The following CLEC2B variants were observed in gnomAD, a reference collection of about 807,000 sequenced individuals.
CLEC2B encodes the protein C-type lectin domain family 2 member B, also known as C-type (calcium dependent, carbohydrate-recognition domain) lectin, superfamily member 2 (activation-induced).
In CLEC2B, 14 loss-of-function variants were observed where a neutral mutation model predicts 16.2. The observed-to-expected ratio is 0.86, with a 90% CI of 0.57 to 1.35. CLEC2B has a LOEUF of 1.35. CLEC2B is among the 40% of genes most tolerant of loss of function. CLEC2B has a pLI of 0.00. For synonymous variants in CLEC2B, 42 were observed against 55.8 expected, an observed-to-expected ratio of 0.75 and a Z score of 1.10; for missense variants, 166 against 182.3, an observed-to-expected ratio of 0.91 and a Z score of 0.52.
intron 2 of CLEC2B, among the ~76,000 whole-genome samples, chr12:9,859,629 A>G (rs1311276033): frequency 6.6e-6 from 1 of 151,798 alleles, no homozygotes; most frequent in African/African-American, 2.4e-5. Context: ...TCGTTTAGGA[A>G]AGGCATAACA....
chr12:9,854,779 C>T, intron 3 of CLEC2B: 1 of 436,154 alleles, frequency 2.3e-6, no homozygotes, highest in Non-Finnish European at 4.0e-6. Context: ...CCTAGAAAGA[C>T]AAGTTTGAAA....
In CLEC2B at chr12:9,852,968, C is replaced by CA. The variant is rs1867857278; in HGVS notation, c.*331dup. On this transcript the variant is annotated 3_prime_UTR_variant, in exon 5 of 5. Coordinates refer to ENST00000228438, the MANE Select transcript of CLEC2B (RefSeq NM_005127.3). ...GGCCATAATCTCCTATTCTGGTACT[C>CA]AAATTGTTCCATATTGGGTCATGAA... The CA allele has an allele frequency of 4.5e-6, 1 of 220,080 alleles. No individual in the cohort carries two copies. Among genetic ancestry groups the CA allele is most frequent in the Non-Finnish European group, 9.1e-6 (1 of 109,544 alleles). 13.6% of individuals were successfully genotyped at this position (220,080 alleles called of 1,614,324 possible).
chr12:9,868,363 G>A (rs983653814), intron 1 of CLEC2B, among the ~76,000 whole-genome samples: 1 of 151,926 alleles, frequency 6.6e-6, no homozygotes, highest in African/African-American at 2.4e-5. Context: ...TTATAAAACC[G>A]GTTAAAATAC....
rs575237788 is a variant in CLEC2B, at chr12:9,861,994, TA to T, written c.73+504del. Among the ~76,000 whole-genome samples, 6 of 151,948 alleles carry T rather than the reference TA, an allele frequency of 3.9e-5. No homozygotes were observed. In the South Asian group the frequency reaches 1.0e-3, roughly 26 times the overall value. On this transcript the variant is annotated intron_variant, in intron 2 of 4. Coordinates refer to ENST00000228438, the MANE Select transcript of CLEC2B (RefSeq NM_005127.3). ...AATATTTACTATCTGGGTCTTTTTATAAAAAAAATTTCAACCTTTTTCCATA... is the reference window on the plus strand; with the variant it reads ...AATATTTACTATCTGGGTCTTTTTATAAAAAAATTTCAACCTTTTTCCATA...
chr12:9,868,283 G>T (rs1395363834), intron 1 of CLEC2B, among the ~76,000 whole-genome samples: 1 of 151,892 alleles, frequency 6.6e-6, no homozygotes, highest in Non-Finnish European at 1.5e-5. Context: ...TGATTAAAAT[G>T]ATATTTTATG....
In CLEC2B at chr12:9,857,550, C is replaced by T; in HGVS notation, c.161G>A (p.Gly54Glu). The stretch of plus-strand genomic sequence containing the variant: ...GTTGTATTTACTTGAATTCCAATCT[C>T]CTTCTTCTTTAGAGAAATAATAGCA... The part of the protein sequence containing the change: ...NKCYYFSKEE[G>E]DWNSSKYNCS... Residue 54 changes from glycine (G) to glutamate (E), a missense_variant, in exon 3 of 5, where the codon GGA becomes GAA. Gly to Glu is a moderately conservative substitution (Grantham distance 98). Coordinates refer to ENST00000228438, the MANE Select transcript of CLEC2B (RefSeq NM_005127.3). 1 of 1,610,816 alleles carries T rather than the reference C, an allele frequency of 6.2e-7. No homozygotes were observed. Among genetic ancestry groups the T allele is most frequent in the Non-Finnish European group, 8.5e-7 (1 of 1,177,566 alleles).
intron 1 of CLEC2B, among the ~76,000 whole-genome samples, chr12:9,863,064 C>T (rs1245931643): frequency 6.6e-6 from 1 of 152,146 alleles, no homozygotes; most frequent in Non-Finnish European, 1.5e-5. Flanking sequence ...AAGGAGATGT[C>T]AACTTAGAGT....
At chr12:9,864,869 C>T (rs1375783024) in intron 1 of CLEC2B, among the ~76,000 whole-genome samples, 2 of 152,036 alleles carry the variant, frequency 1.3e-5, no homozygotes. Context: ...TTTAAATGAA[C>T]TCAACTCTCC....
At chr12:9,863,835 T>C (rs949611959) in intron 1 of CLEC2B, among the ~76,000 whole-genome samples, 2 of 152,072 alleles carry the variant, frequency 1.3e-5, no homozygotes, top group African/African-American at 2.4e-5. Flanking sequence ...CTAAGAATTA[T>C]TGGTGTTTAA....
intron 3 of CLEC2B, chr12:9,856,858 T>C (rs1867896850): frequency 1.3e-5 from 2 of 152,078 alleles, no homozygotes; most frequent in South Asian, 4.1e-4. Flanking sequence ...TTGGAGAGCC[T>C]CTTTACTCAT....
At position 9,854,473 on chromosome 12, in the gene CLEC2B, C is replaced by T. The variant is rs1272901525; in HGVS notation, c.249G>A (p.Arg83=). 10 of 1,611,370 alleles carry T rather than the reference C, an allele frequency of 6.2e-6. No individual in the cohort carries two copies. Among genetic ancestry groups the T allele is most frequent in the Non-Finnish European group, 8.5e-6 (10 of 1,177,752 alleles). The change falls in exon 4 of 5, where the codon AGG becomes AGA. Residue 83 remains arginine (R), a synonymous_variant. Coordinates refer to ENST00000228438, the MANE Select transcript of CLEC2B (RefSeq NM_005127.3). Reference sequence around the variant, plus strand: ...AGTGATCAGAACTGCATTTATACCGCCTAAGAAAATTCTTTAGAGACAAAA... The same window carrying T: ...AGTGATCAGAACTGCATTTATACCGTCTAAGAAAATTCTTTAGAGACAAAA... ...IDNIEEMNFL[R]RYKCSSDHWI...
At chr12:9,868,578 G>A (rs2136983200) in intron 1 of CLEC2B, among the ~76,000 whole-genome samples, 1 of 152,134 alleles carries the variant, frequency 6.6e-6, no homozygotes, top group East Asian at 1.9e-4. Flanking sequence ...AATAAACCCT[G>A]TTGAAATCTC....
At chr12:9,867,629 C>G (rs180969379) in intron 1 of CLEC2B, among the ~76,000 whole-genome samples, 1 of 152,062 alleles carries the variant, frequency 6.6e-6, no homozygotes, top group African/African-American at 2.4e-5. Flanking sequence ...TGTGATCTCC[C>G]ACGATGAAGC....
At chr12:9,864,776 G>T (rs1236236838) in intron 1 of CLEC2B, among the ~76,000 whole-genome samples, 2 of 151,342 alleles carry the variant, frequency 1.3e-5, no homozygotes, top group Non-Finnish European at 2.9e-5. Flanking sequence ...AGTAAGAAAA[G>T]AAAAAAGAGA....
intron 3 of CLEC2B, among the ~76,000 whole-genome samples, chr12:9,856,399 A>G (rs1867894454): frequency 6.6e-6 from 1 of 152,120 alleles, no homozygotes; most frequent in African/African-American, 2.4e-5. Context: ...AGCCCTTCCT[A>G]TGATATTAAA....
At chr12:9,858,925 G>T (rs1867914148) in intron 2 of CLEC2B, among the ~76,000 whole-genome samples, 1 of 151,868 alleles carries the variant, frequency 6.6e-6, no homozygotes, top group Admixed American at 6.6e-5. Context: ...AAGTTGAAAG[G>T]AATATAAATG....
At chr12:9,868,467 A>T (rs1477211776) in intron 1 of CLEC2B, among the ~76,000 whole-genome samples, 2 of 152,062 alleles carry the variant, frequency 1.3e-5, no homozygotes, top group Non-Finnish European at 2.9e-5. Context: ...GTTAAACGGG[A>T]AATGCTTAAA....
chr12:9,858,450 C>T (rs1867910541), intron 2 of CLEC2B, among the ~76,000 whole-genome samples: 1 of 151,890 alleles, frequency 6.6e-6, no homozygotes, highest in African/African-American at 2.4e-5. Context: ...GGAACACACC[C>T]AGACTGAATC....
chr12:9,853,079 A>AAGAGAGAGAG lies in CLEC2B; in HGVS notation c.*220_*221insCTCTCTCTCT. The AAGAGAGAGAG allele has an allele frequency of 2.4e-6, 1 of 421,184 alleles. No individual in the cohort carries two copies. The highest frequency in any genetic ancestry group is 4.3e-6 in the Non-Finnish European group (1 of 232,544). The allele number at this position is 421,184 out of a possible 1,614,324, so 26.1% of individuals were successfully genotyped here. A position where few individuals can be genotyped will look rare whatever the true frequency, so the allele number is the denominator to read the frequency against. Reference sequence around the variant, plus strand: ...AAAAAAAGAAAGAAAGAAAGAAAGAAAGAAAGAGAGAGAGAGAAAGAAAGA... The same window carrying AAGAGAGAGAG: ...AAAAAAAGAAAGAAAGAAAGAAAGAAAGAGAGAGAGAGAAAGAGAGAGAGAGAAAGAAAGA... On this transcript the variant is annotated 3_prime_UTR_variant, in exon 5 of 5. Transcript: ENST00000228438.
Sources: gnomAD v4.1 joint callset for allele counts (sites outside exome capture counted in the v4.1 genomes callset) on GRCh38, gnomAD v4.1.1 for gene constraint, MANE v1.5 for transcripts, NCBI Gene and HGNC (gene_info 2026-07-23, HGNC 2026-07-21) for gene names.